PRKCQ: variants seen among roughly 807,000 people sequenced by gnomAD.
The protein encoded by PRKCQ is protein kinase C theta type.
A neutral mutation model predicts 91.2 loss-of-function variants in PRKCQ; 41 were observed. That is an observed-to-expected ratio of 0.45 (90% confidence interval 0.35 to 0.58). The LOEUF is 0.58. Ranked by LOEUF, PRKCQ falls within the 20% of genes least tolerant of loss-of-function variation. The probability of loss-of-function intolerance (pLI) is 0.00; values close to 1 mark genes in which losing one functional copy is unlikely to be tolerated. For synonymous variants in PRKCQ, 307 were observed against 316.9 expected, an observed-to-expected ratio of 0.97 and a Z score of 0.33; for missense variants, 673 against 896.5, an observed-to-expected ratio of 0.75 and a Z score of 3.18.
At chr10:6,473,508 G>A (rs938217602) in intron 12 of PRKCQ, among the ~76,000 whole-genome samples, 10 of 152,206 alleles carry the variant, frequency 6.6e-5, no homozygotes, top group Non-Finnish European at 1.5e-4. Flanking sequence ...AAATAACAAC[G>A]TGTAAGCGTT....
chr10:6,445,669 T>C (rs1481698459), intron 15 of PRKCQ, among the ~76,000 whole-genome samples: 2 of 152,208 alleles, frequency 1.3e-5, no homozygotes, highest in Admixed American at 1.3e-4. Context: ...ATTTCCAATA[T>C]AAAAATGCTA....
chr10:6,445,196 C>T (rs898077427), intron 15 of PRKCQ, among the ~76,000 whole-genome samples: 2 of 149,452 alleles, frequency 1.3e-5, no homozygotes, highest in Admixed American at 6.7e-5. Context: ...GTTTTGATGT[C>T]GGTGAGCTTT....
intron 8 of PRKCQ, among the ~76,000 whole-genome samples, chr10:6,491,298 AC>A (rs1393503237): frequency 6.6e-6 from 1 of 152,232 alleles, no homozygotes; most frequent in African/African-American, 2.4e-5. Flanking sequence ...GGGTTAGGGT[AC>A]CACACAGCTA....
At chr10:6,543,101 C>T (rs2130919533) in intron 1 of PRKCQ, among the ~76,000 whole-genome samples, 1 of 152,296 alleles carries the variant, frequency 6.6e-6, no homozygotes, top group South Asian at 2.1e-4. Context: ...CCCTGGAGAG[C>T]TCAGCCCTTT....
intron 15 of PRKCQ, among the ~76,000 whole-genome samples, chr10:6,447,741 T>C (rs1295200938): frequency 6.6e-6 from 1 of 152,232 alleles, no homozygotes; most frequent in Non-Finnish European, 1.5e-5. Context: ...TCCTGTGTTT[T>C]AATTCTCTGC....
intron 1 of PRKCQ, among the ~76,000 whole-genome samples, chr10:6,563,848 T>C (rs147079937): frequency 1.6e-3 from 248 of 151,972 alleles, no homozygotes; most frequent in Middle Eastern, 6.8e-3. Flanking sequence ...CACAGTGCAG[T>C]TGGGGAGGGA....
Position 6,561,177 on chromosome 10 carries a change from C to T in PRKCQ, c.-10+19034G>A, listed in dbSNP as rs544719336. The stretch of plus-strand genomic sequence containing the variant: ...CTTGAGTCCAAGGGTTTGAGGCTAG[C>T]CTGGGCAACACAGCGAAACTGTGTC... On this transcript the variant is annotated intron_variant, in intron 1 of 17. Transcript: ENST00000263125. Among the ~76,000 whole-genome samples the T allele has an allele frequency of 2.0e-5, 3 of 151,802 alleles. No individual in the cohort carries two copies. The South Asian group carries it at 6.2e-4, about 32-fold the overall frequency.
At chr10:6,521,891 T>C (rs1839017737) in intron 1 of PRKCQ, among the ~76,000 whole-genome samples, 1 of 137,652 alleles carries the variant, frequency 7.3e-6, no homozygotes, top group Admixed American at 7.0e-5. Flanking sequence ...ATATGTACTA[T>C]GTTATGTTAT....
At chr10:6,463,847 A>C (rs1835487896) in intron 13 of PRKCQ, among the ~76,000 whole-genome samples, 1 of 152,174 alleles carries the variant, frequency 6.6e-6, no homozygotes, top group African/African-American at 2.4e-5. Context: ...CCCCGTCTCC[A>C]GGTGTCTCAG....
chr10:6,453,502 G>A (rs988155731), intron 15 of PRKCQ, among the ~76,000 whole-genome samples: 3 of 152,238 alleles, frequency 2.0e-5, no homozygotes, highest in Admixed American at 6.5e-5. Context: ...CATTGTGGAA[G>A]TCAGTGTGGC....
intron 15 of PRKCQ, among the ~76,000 whole-genome samples, chr10:6,447,412 A>G (rs1460214672): frequency 1.3e-5 from 2 of 151,732 alleles, no homozygotes; most frequent in Admixed American, 6.6e-5. Context: ...ACCTCAAAAA[A>G]AAAAAAAAAA....
chr10:6,422,195 C>T (rs1338288672), downstream of PRKCQ, among the ~76,000 whole-genome samples: 1 of 152,102 alleles, frequency 6.6e-6, no homozygotes, highest in African/African-American at 2.4e-5. Context: ...TTAGTGGGTA[C>T]CTATTCCACA....
At chr10:6,579,747 C>T (rs950868217) in intron 1 of PRKCQ, among the ~76,000 whole-genome samples, 2 of 151,076 alleles carry the variant, frequency 1.3e-5, no homozygotes, top group Non-Finnish European at 2.9e-5. Context: ...AGCAATGGCA[C>T]CCCCGTCCGT....
intron 8 of PRKCQ, among the ~76,000 whole-genome samples, chr10:6,490,858 A>G (rs1466944716): frequency 2.0e-5 from 3 of 151,142 alleles, no homozygotes; most frequent in South Asian, 2.1e-4. Flanking sequence ...TCTCTCCCCA[A>G]CCAGAAAGCA....
At chr10:6,451,712 T>C (rs4393219) in intron 15 of PRKCQ, among the ~76,000 whole-genome samples, 52,591 of 151,580 alleles carry the variant, frequency 0.35, 9,352 homozygotes, top group East Asian at 0.49. Context: ...AGCAGCACAT[T>C]AAAAAGCTTA....
the PRKCQ span, among the ~76,000 whole-genome samples, chr10:6,401,442 G>A: frequency 0.4 from 61,135 of 151,840 alleles, 14,159 homozygotes; most frequent in East Asian, 0.81. Context: ...CTCATGACTT[G>A]AACACATGGT....
Position 6,483,464 on chromosome 10 carries a change from C to T in PRKCQ, c.1155G>A (p.Met385Ile). Residue 385 changes from methionine to isoleucine, a missense_variant, in exon 11 of 18, where the codon ATG (methionine) becomes ATA (isoleucine). Transcript: ENST00000263125. The part of the protein sequence containing the change: ...LKIEDFILHK[M>I]LGKGSFGKVF... ...CCTTGCCAAAACTTCCTTTCCCCAA[C>T]ATTTTGTGCAAGATAAAATCCTCAA... The T allele has an allele frequency of 6.2e-7, 1 of 1,614,210 alleles. No individual in the cohort carries two copies. The highest frequency in any genetic ancestry group is 8.5e-7 in the Non-Finnish European group (1 of 1,180,034).
chr10:6,456,166 G>A (rs1315680313), intron 15 of PRKCQ, among the ~76,000 whole-genome samples: 1 of 151,688 alleles, frequency 6.6e-6, no homozygotes, highest in Non-Finnish European at 1.5e-5. Context: ...GGGGGCAGGG[G>A]TGAGTTTTAA....
chr10:6,509,771 C>A (rs993818724), intron 3 of PRKCQ, among the ~76,000 whole-genome samples: 1 of 152,174 alleles, frequency 6.6e-6, no homozygotes, highest in African/African-American at 2.4e-5. Flanking sequence ...ACTAAATTAC[C>A]TGGACATATC....
Sources: gnomAD v4.1 joint callset for allele counts (sites outside exome capture counted in the v4.1 genomes callset) on GRCh38, gnomAD v4.1.1 for gene constraint, MANE v1.5 for transcripts, NCBI Gene and HGNC (gene_info 2026-07-23, HGNC 2026-07-21) for gene names.